The following SYT6 variants were observed in gnomAD, a reference collection of about 807,000 sequenced individuals.
The protein encoded by SYT6 is synaptotagmin-6.
In SYT6, 24 loss-of-function variants were observed where a neutral mutation model predicts 38.4. The observed-to-expected ratio is 0.62, with a 90% CI of 0.45 to 0.88. The LOEUF (loss-of-function observed/expected upper bound fraction) is 0.88. SYT6 is among the 40% of genes least tolerant of loss of function. SYT6 has a pLI of 0.00. For synonymous variants in SYT6, 265 were observed against 241.9 expected (o/e 1.10, Z -0.89); for missense variants, 611 against 621.0 (o/e 0.98, Z 0.17).
intron 2 of SYT6, among the ~76,000 whole-genome samples, chr1:114,139,280 C>T (rs1678701028): frequency 6.6e-6 from 1 of 152,140 alleles, no homozygotes; most frequent in Non-Finnish European, 1.5e-5. Flanking sequence ...CATCTCTAGG[C>T]CTTTACTGTT....
At chr1:114,106,104 G>A (rs946072276) in intron 3 of SYT6, among the ~76,000 whole-genome samples, 3 of 152,140 alleles carry the variant, frequency 2.0e-5, no homozygotes, top group Admixed American at 6.5e-5. Flanking sequence ...TGGGTCCTGC[G>A]GCAGGGGGCA....
intron 3 of SYT6, among the ~76,000 whole-genome samples, chr1:114,105,444 C>T (rs905881901): frequency 7.1e-5 from 6 of 83,970 alleles, no homozygotes; most frequent in East Asian, 6.3e-4. Flanking sequence ...TCCAGGCCCC[C>T]GAAAAAAGTC....
chr1:114,122,506 T>TGTGTGTGTGTGTGTGCCCGC (rs60780339), intron 3 of SYT6, among the ~76,000 whole-genome samples: 3 of 147,408 alleles, frequency 2.0e-5, no homozygotes, highest in Admixed American at 2.0e-4. Context: ...TGTGTGTGTG[T>TGTGTGTGTGTGTGTGCCCGC]GCGCGCACAT....
At position 114,137,690 on chromosome 1, in the gene SYT6, G is replaced by A. The variant is rs764108905; in HGVS notation, c.876C>T (p.Pro292=). Residue 292 remains proline (P), a synonymous_variant, in exon 3 of 8, where the codon CCC becomes CCT. Transcript: ENST00000610222. ...GGAAGTGGAAGTTCTCATCAAAGGT[G>A]GGGTTCAGGGTCTTGCGGTGCACCC... The part of the protein sequence containing the change: ...QTRVHRKTLN[P]TFDENFHFPV... 19 of 1,613,858 alleles carry A rather than the reference G, an allele frequency of 1.2e-5. No homozygotes were observed. The highest frequency in any genetic ancestry group is 1.5e-5 in the Non-Finnish European group (18 of 1,179,798).
intron 3 of SYT6, among the ~76,000 whole-genome samples, chr1:114,116,474 C>G (rs983602783): frequency 6.6e-6 from 1 of 152,150 alleles, no homozygotes; most frequent in Non-Finnish European, 1.5e-5. Flanking sequence ...AAGTGTTTCC[C>G]CTGTCTCCTG....
rs1439522964 is a variant in SYT6, at chr1:114,137,879, G to A, written c.687C>T (p.Ser229=). ...GEDAKSEATK[S]CGKINFSLRY... is the part of the protein sequence containing the mutation. ...GTAGGCTGAAGTTGATCTTCCCGCAGCTCTTGGTGGCCTCAGACTTGGCAT... is the reference window on the plus strand; with the variant it reads ...GTAGGCTGAAGTTGATCTTCCCGCAACTCTTGGTGGCCTCAGACTTGGCAT... The change falls in exon 3 of 8, where the codon AGC becomes AGT. Residue 229 remains serine, a synonymous_variant. Coordinates refer to ENST00000610222, the MANE Select transcript of SYT6 (RefSeq NM_001253772.2). 6.2e-7 allele frequency: 1 copy of A among 1,613,964 alleles called. No homozygotes were observed. Among genetic ancestry groups the A allele is most frequent in the Admixed American group, 1.7e-5 (1 of 60,000 alleles).
intron 6 of SYT6, among the ~76,000 whole-genome samples, 182 bp downstream of exon 6, chr1:114,097,545 T>C (rs1675705245): frequency 6.6e-6 from 1 of 152,246 alleles, no homozygotes; most frequent in South Asian, 2.1e-4. Context: ...AGGGGCTTTG[T>C]GTTGGCAGCC....
chr1:114,151,078 C>T (rs990817335), intron 1 of SYT6, among the ~76,000 whole-genome samples: 3 of 152,194 alleles, frequency 2.0e-5, no homozygotes, highest in African/African-American at 7.2e-5. Context: ...AAAGCTCTAG[C>T]ATTGTGCTGG....
intron 3 of SYT6, among the ~76,000 whole-genome samples, chr1:114,131,282 A>T (rs183499531): frequency 3.3e-5 from 5 of 152,314 alleles, no homozygotes; most frequent in Admixed American, 1.3e-4. Context: ...ATCTTATGTG[A>T]GAGAAAATCT....
intron 6 of SYT6, among the ~76,000 whole-genome samples, chr1:114,096,027 C>G (rs149205380): frequency 3.3e-5 from 5 of 152,248 alleles, no homozygotes; most frequent in East Asian, 1.9e-4. Context: ...ATGCCCTCCC[C>G]CTAAGCCACC....
rs184381157 is a variant in SYT6 at position 114,102,681 on chromosome 1, T to C, written c.1192+920A>G. 2.6e-5 allele frequency among the ~76,000 whole-genome samples: 4 copies of C among 152,290 alleles called. No homozygotes were observed. In the East Asian group the frequency reaches 7.7e-4, roughly 29 times the overall value. On this transcript the variant is annotated intron_variant, in intron 4 of 7. Coordinates refer to ENST00000610222, the MANE Select transcript of SYT6 (RefSeq NM_001253772.2). ...GAAGCACCTCCTGAGTGGTTTTACGTTGGTAATCTGAATCATCGAGAGTCT... is the reference window on the plus strand; with the variant it reads ...GAAGCACCTCCTGAGTGGTTTTACGCTGGTAATCTGAATCATCGAGAGTCT...
intron 3 of SYT6, among the ~76,000 whole-genome samples, chr1:114,131,009 G>A (rs10858034): frequency 0.44 from 66,393 of 152,086 alleles, 15,431 homozygotes; most frequent in South Asian, 0.63. Context: ...TTCGACTTGA[G>A]TGTGTGGGCG....
intron 1 of SYT6, among the ~76,000 whole-genome samples, chr1:114,148,680 T>C (rs1269832944): frequency 6.4e-5 from 1 of 15,532 alleles, no homozygotes; most frequent in Non-Finnish European, 1.5e-4. Context: ...TTTATTTATT[T>C]ATTTATTTAT....
Position 114,137,922 on chromosome 1 carries a change from T to A in SYT6, c.644A>T (p.Lys215Met), listed in dbSNP as rs374287808. The change falls in exon 3 of 8, where the codon AAG (lysine) becomes ATG (methionine). Residue 215 changes from lysine to methionine, a missense_variant. By Grantham distance (95) the Lys-to-Met change is moderately conservative (BLOSUM62 -1). Transcript: ENST00000610222. ...CTTGGCATCCTCCCCATCCACCGAC[T>A]TCTGCTTGTAGAGCTCAGGCTTGAT... is the stretch of plus-strand genomic sequence containing the variant. Reference protein sequence around the residue: ...GRIKPELYKQKSVDGEDAKSE... With the variant: ...GRIKPELYKQMSVDGEDAKSE... 1 of 1,613,902 alleles carries A rather than the reference T, an allele frequency of 6.2e-7. No homozygotes were observed. The highest frequency in any genetic ancestry group is 8.5e-7 in the Non-Finnish European group (1 of 1,180,014).
At position 114,097,878 on chromosome 1, in the gene SYT6, C is replaced by A; in HGVS notation, c.1365-1G>T. 1 of 1,613,838 alleles carries A rather than the reference C, an allele frequency of 6.2e-7. No individual in the cohort carries two copies. The highest frequency in any genetic ancestry group is 8.5e-7 in the Non-Finnish European group (1 of 1,179,774). Reference sequence around the variant, plus strand: ...TCCTATGATCTCATTGTGGCCCACTCTGAGGGAGAAACAAAAGTCCCAGCA... The same window carrying A: ...TCCTATGATCTCATTGTGGCCCACTATGAGGGAGAAACAAAAGTCCCAGCA... On this transcript the variant is annotated splice_acceptor_variant, in intron 5 of 7. Transcript: ENST00000610222. LOFTEE classifies it high-confidence loss of function.
Position 114,097,802 on chromosome 1 carries a change from G to T in SYT6, c.1440C>A (p.Asn480Lys). The change falls in exon 6 of 8, where the codon AAC becomes AAA. Residue 480 changes from asparagine to lysine, a missense_variant. Asn to Lys is a moderately conservative substitution (Grantham distance 94, BLOSUM62 0). Coordinates refer to ENST00000610222, the MANE Select transcript of SYT6 (RefSeq NM_001253772.2). ...TAEGLGRDHWNEMLAYPRKPI... is the reference protein window; with the variant it reads ...TAEGLGRDHWKEMLAYPRKPI... ...GCTTCCGGGGGTATGCCAGCATCTC[G>T]TTCCAGTGGTCCCTGCCCAGGCCTT... 3.1e-6 allele frequency: 5 copies of T among 1,614,112 alleles called. No homozygotes were observed. The highest frequency in any genetic ancestry group is 4.2e-6 in the Non-Finnish European group (5 of 1,180,036).
intron 6 of SYT6, 64 bp downstream of exon 6, chr1:114,097,663 C>T: frequency 1.3e-6 from 2 of 1,581,750 alleles, no homozygotes; most frequent in South Asian, 1.2e-5. Context: ...CTGCAGCTGA[C>T]TGCCATTCTC....
chr1:114,124,561 A>C (rs1006128651), intron 3 of SYT6, among the ~76,000 whole-genome samples: 1 of 152,096 alleles, frequency 6.6e-6, no homozygotes, highest in Admixed American at 6.5e-5. Flanking sequence ...ATCACAACAG[A>C]CCTTCAGTTA....
In SYT6 at chr1:114,153,687, G is replaced by A. The variant is rs565298820; in HGVS notation, c.86C>T (p.Pro29Leu). The A allele has an allele frequency of 7.4e-6, 5 of 674,016 alleles. No individual in the cohort carries two copies. Among genetic ancestry groups the A allele is most frequent in the South Asian group, 3.2e-5 (2 of 63,488 alleles). The allele number at this position is 674,016 out of a possible 1,614,324, so 41.8% of individuals were successfully genotyped here. ...LASLCRARPP[P>L]LGLDVETCRS... The stretch of plus-strand genomic sequence containing the variant: ...ACAAGTCTCCACGTCCAGCCCGAGA[G>A]GGGGCGGCCGGGCCCGGCACAGCGA... The change falls in exon 1 of 8, where the codon CCT becomes CTT. Residue 29 changes from proline to leucine, a missense_variant. Coordinates refer to ENST00000610222, the MANE Select transcript of SYT6 (RefSeq NM_001253772.2).
Sources: gnomAD v4.1 joint callset for allele counts (sites outside exome capture counted in the v4.1 genomes callset) on GRCh38, gnomAD v4.1.1 for gene constraint, MANE v1.5 for transcripts, NCBI Gene and HGNC (gene_info 2026-07-23, HGNC 2026-07-21) for gene names.